Variants in EXOC6B observed in about 807,000 individuals in gnomAD.
The protein encoded by EXOC6B is exocyst complex component 6B.
Under a neutral mutation model 113.5 loss-of-function variants are expected in EXOC6B, and 54 were observed. The observed-to-expected ratio is 0.48, with a 90% CI of 0.38 to 0.60. The LOEUF (loss-of-function observed/expected upper bound fraction) is 0.60, where lower values mean the gene tolerates loss of function less well. Among genes scored for constraint, EXOC6B ranks in the 20% least tolerant of loss-of-function variants. EXOC6B has a pLI of 0.00. For missense variants in EXOC6B, 797 were observed against 977.5 expected, an observed-to-expected ratio of 0.82 and a Z score of 2.46; for synonymous variants, 357 against 339.0, an observed-to-expected ratio of 1.05 and a Z score of -0.58.
chr2:72,333,258 C>T (rs1688506949), intron 20 of EXOC6B, among the ~76,000 whole-genome samples: 1 of 152,158 alleles, frequency 6.6e-6, no homozygotes, highest in Non-Finnish European at 1.5e-5. Context: ...ATTCCCGACT[C>T]TGATCCACCT....
At chr2:72,275,163 C>T (rs891107494) in intron 20 of EXOC6B, among the ~76,000 whole-genome samples, 2 of 152,152 alleles carry the variant, frequency 1.3e-5, no homozygotes, top group Non-Finnish European at 2.9e-5. Context: ...TGCATATTTA[C>T]TTTAAAATAA....
intron 18 of EXOC6B, among the ~76,000 whole-genome samples, chr2:72,389,921 C>T (rs899689560): frequency 2.4e-4 from 36 of 151,860 alleles, no homozygotes; most frequent in Non-Finnish European, 1.8e-4. Context: ...CCTCTTTTTC[C>T]GAGAAGGCAG....
intron 20 of EXOC6B, among the ~76,000 whole-genome samples, chr2:72,207,370 T>G (rs1287042895): frequency 6.6e-6 from 1 of 152,202 alleles, no homozygotes; most frequent in Non-Finnish European, 1.5e-5. Flanking sequence ...AGATAGCAAC[T>G]CATCAGCTTT....
rs138382972 is a variant in EXOC6B at position 72,518,483 on chromosome 2, G to GGTGTGT, written c.916-3363_916-3358dup. 6.8e-3 allele frequency among the ~76,000 whole-genome samples: 980 copies of GGTGTGT among 143,466 alleles called. 8 individuals carry two copies. Among genetic ancestry groups the GGTGTGT allele is most frequent in the African/African-American group, 0.023 (891 of 38,948 alleles). The allele number at this position is 143,466 out of a possible 152,430, so 94.1% of individuals were successfully genotyped here. On this transcript the variant is annotated intron_variant, in intron 8 of 21. Coordinates refer to ENST00000272427, the MANE Select transcript of EXOC6B (RefSeq NM_015189.3). ...TACAGAATCCTATGGATTAAAGTAG[G>GGTGTGT]GTGTGTGTGTGTGTGTGTGTGTGTG...
chr2:72,577,714 T>C (rs1372336555), intron 6 of EXOC6B, among the ~76,000 whole-genome samples: 2 of 151,664 alleles, frequency 1.3e-5, no homozygotes, highest in South Asian at 2.1e-4. Flanking sequence ...TTGAAGTCCA[T>C]GAAAATCAAA....
intron 1 of EXOC6B, among the ~76,000 whole-genome samples, chr2:72,809,263 C>T (rs75975102): frequency 2.0e-5 from 3 of 151,992 alleles, no homozygotes; most frequent in Admixed American, 6.6e-5. Flanking sequence ...GGTTTAAATA[C>T]ACCAATTAAA....
In EXOC6B at chr2:72,448,541, C is replaced by T. The variant is rs886467857; in HGVS notation, c.1980+16619G>A. On this transcript the variant is annotated intron_variant, in intron 18 of 21. Transcript: ENST00000272427. ...AAAGATATCTATTACCATTGTCTCC[C>T]AAGTAACAAAGAAATTTTACTGTGG... 2.6e-5 allele frequency among the ~76,000 whole-genome samples: 4 copies of T among 151,972 alleles called. No homozygotes were observed. The East Asian group carries it at 5.8e-4, about 22-fold the overall frequency.
chr2:72,657,906 T>C (rs752768284), intron 6 of EXOC6B, among the ~76,000 whole-genome samples: 14 of 151,652 alleles, frequency 9.2e-5, no homozygotes, highest in Non-Finnish European at 1.8e-4. Flanking sequence ...ACTGAAACTA[T>C]ATCAGTGGTC....
At chr2:72,625,252 T>C (rs1671984152) in intron 6 of EXOC6B, among the ~76,000 whole-genome samples, 1 of 151,142 alleles carries the variant, frequency 6.6e-6, no homozygotes, top group Non-Finnish European at 1.5e-5. Context: ...TGAATATATA[T>C]GTATATGTGT....
chr2:72,574,214 G>T (rs893192177), intron 7 of EXOC6B, among the ~76,000 whole-genome samples: 1 of 151,454 alleles, frequency 6.6e-6, no homozygotes, highest in Non-Finnish European at 1.5e-5. Flanking sequence ...ATCTTTATTT[G>T]TTTTTCAGCT....
intron 20 of EXOC6B, among the ~76,000 whole-genome samples, chr2:72,333,726 C>G (rs576328977): frequency 6.6e-6 from 1 of 152,056 alleles, no homozygotes; most frequent in Non-Finnish European, 1.5e-5. Context: ...AGTTGACACA[C>G]GTTTCTGGGA....
intron 8 of EXOC6B, chr2:72,515,418 G>T: frequency 8.5e-7 from 1 of 1,176,786 alleles, no homozygotes; most frequent in Admixed American, 4.3e-5. Context: ...AAATTCACAA[G>T]AATGCAGGGA....
In EXOC6B at chr2:72,313,278, T is replaced by C. The variant is rs576878169; in HGVS notation, c.2196+21669A>G. On this transcript the variant is annotated intron_variant, in intron 20 of 21. Transcript: ENST00000272427. ...ATAACTAATGGATACTAGACTTAAT[T>C]CCTGGGTGAAGAAATATTTGGTACA... is the stretch of plus-strand genomic sequence containing the variant. Among the ~76,000 whole-genome samples, 716 of 152,182 alleles carry C rather than the reference T, an allele frequency of 4.7e-3. 8 individuals are homozygous for C. The highest frequency in any genetic ancestry group is 0.016 in the African/African-American group (664 of 41,516).
intron 16 of EXOC6B, among the ~76,000 whole-genome samples, chr2:72,484,141 TC>T (rs1430558128): frequency 2.0e-5 from 3 of 151,142 alleles, no homozygotes; most frequent in African/African-American, 7.3e-5. Flanking sequence ...GGAGGTAATT[TC>T]TTTTTTTTTT....
chr2:72,724,704 G>T (rs2104749223), intron 5 of EXOC6B, among the ~76,000 whole-genome samples: 1 of 152,110 alleles, frequency 6.6e-6, no homozygotes, highest in Non-Finnish European at 1.5e-5. Context: ...TGTATGTAAA[G>T]AAAAACAAAT....
intron 6 of EXOC6B, among the ~76,000 whole-genome samples, chr2:72,672,362 G>A (rs886505998): frequency 2.0e-5 from 3 of 151,806 alleles, no homozygotes; most frequent in Non-Finnish European, 4.4e-5. Flanking sequence ...CAGGTGCAGT[G>A]GCTCACGCGT....
In EXOC6B at chr2:72,481,280, G is replaced by T. The variant is rs565543446; in HGVS notation, c.1666-530C>A. On this transcript the variant is annotated intron_variant, in intron 16 of 21. Transcript: ENST00000272427. ...CAGCCTCGGGCAGTTCTTTATAGCAGTATGAAAATGGACTAATACGTCCTA... is the reference window on the plus strand; with the variant it reads ...CAGCCTCGGGCAGTTCTTTATAGCATTATGAAAATGGACTAATACGTCCTA... Among the ~76,000 whole-genome samples, 6 of 152,252 alleles carry T rather than the reference G, an allele frequency of 3.9e-5. No individual in the cohort carries two copies. In the Middle Eastern group the frequency reaches 0.01, roughly 259 times the overall value.
intron 6 of EXOC6B, among the ~76,000 whole-genome samples, chr2:72,666,611 T>G (rs972053435): frequency 1.3e-5 from 2 of 152,106 alleles, no homozygotes; most frequent in African/African-American, 4.8e-5. Flanking sequence ...ACTATATGAT[T>G]ATATACTTAG....
At chr2:72,678,478 G>A (rs1676466995) in intron 6 of EXOC6B, among the ~76,000 whole-genome samples, 1 of 152,194 alleles carries the variant, frequency 6.6e-6, no homozygotes, top group Non-Finnish European at 1.5e-5. Flanking sequence ...AAGCCAAGGT[G>A]AGCGGATCAC....
Sources: allele counts gnomAD v4.1 joint callset (sites outside exome capture counted in the v4.1 genomes callset), GRCh38; gene constraint gnomAD v4.1.1; transcripts MANE v1.5; gene names NCBI Gene and HGNC (gene_info 2026-07-23, HGNC 2026-07-21).